PRDM11: variants seen among roughly 807,000 people sequenced by gnomAD.
The protein encoded by PRDM11 is PR/SET domain 11, also known as PR domain-containing protein 11.
PRDM11 carries 20 observed loss-of-function variants against 97.8 expected under a neutral mutation model. That is an observed-to-expected ratio of 0.20 (90% CI 0.14 to 0.30). PRDM11 has a LOEUF of 0.30. Ranked by LOEUF, PRDM11 falls within the 10% of genes least tolerant of loss-of-function variation. The probability of loss-of-function intolerance (pLI) is 1.00; values close to 1 mark genes in which losing one functional copy is unlikely to be tolerated. For missense variants in PRDM11, 1,139 were observed against 1,555.2 expected, an observed-to-expected ratio of 0.73 and a Z score of 4.50; for synonymous variants, 599 against 637.7, an observed-to-expected ratio of 0.94 and a Z score of 0.91.
intron 4 of PRDM11, among the ~76,000 whole-genome samples, chr11:45,183,756 A>C (rs1178771359): frequency 1.3e-5 from 2 of 152,228 alleles, no homozygotes; most frequent in African/African-American, 4.8e-5. Context: ...GCTACTAGAC[A>C]GAGATAGGGG....
At chr11:45,209,986 C>G (rs765689480) in intron 5 of PRDM11, among the ~76,000 whole-genome samples, 1 of 152,034 alleles carries the variant, frequency 6.6e-6, no homozygotes, top group Non-Finnish European at 1.5e-5. Flanking sequence ...ACAGCATGTA[C>G]GAGGCCCCGC....
intron 1 of PRDM11, among the ~76,000 whole-genome samples, chr11:45,097,728 G>C (rs779725849): frequency 6.6e-6 from 1 of 152,244 alleles, no homozygotes; most frequent in African/African-American, 2.4e-5. Flanking sequence ...GGTGAGACAA[G>C]CAGGCTACGG....
chr11:45,211,695 A>C (rs1273779806), intron 5 of PRDM11, among the ~76,000 whole-genome samples: 1 of 152,138 alleles, frequency 6.6e-6, no homozygotes, highest in East Asian at 1.9e-4. Context: ...ATTCCATATT[A>C]GTAGTCTTTT....
chr11:45,220,895 G>C (rs1007104954), intron 6 of PRDM11, among the ~76,000 whole-genome samples: 1 of 151,746 alleles, frequency 6.6e-6, no homozygotes, highest in African/African-American at 2.4e-5. Context: ...TTCTTTCAAG[G>C]GTGTTTTTTT....
At chr11:45,212,353 G>A (rs558494225) in intron 5 of PRDM11, 9 of 338,186 alleles carry the variant, frequency 2.7e-5, no homozygotes, top group East Asian at 8.1e-5. Context: ...AAACTAGACC[G>A]CAGGGTGGCA....
chr11:45,185,777 C>G (rs945794838), intron 4 of PRDM11, among the ~76,000 whole-genome samples: 12 of 152,264 alleles, frequency 7.9e-5, no homozygotes, highest in African/African-American at 2.2e-4. Flanking sequence ...CTGTCCTAAT[C>G]CCTAGAACTT....
At chr11:45,116,786 A>C (rs934179525) in intron 1 of PRDM11, among the ~76,000 whole-genome samples, 1 of 152,228 alleles carries the variant, frequency 6.6e-6, no homozygotes, top group African/African-American at 2.4e-5. Flanking sequence ...CAAATGGCTG[A>C]TTCTAGAACT....
intron 4 of PRDM11, among the ~76,000 whole-genome samples, chr11:45,184,486 G>C (rs1171869790): frequency 6.6e-6 from 1 of 152,194 alleles, no homozygotes; most frequent in Admixed American, 6.5e-5. Context: ...ACTGGGCTAG[G>C]GTTGGGGCAA....
At chr11:45,178,570 C>T (rs923068310) in intron 1 of PRDM11, among the ~76,000 whole-genome samples, 1 of 152,202 alleles carries the variant, frequency 6.6e-6, no homozygotes, top group African/African-American at 2.4e-5. Flanking sequence ...TTCCTGCTGA[C>T]GTCTCTTTCA....
intron 1 of PRDM11, among the ~76,000 whole-genome samples, chr11:45,158,303 C>T (rs892206456): frequency 5.9e-5 from 9 of 152,182 alleles, no homozygotes; most frequent in Admixed American, 2.6e-4. Context: ...CTGTTGGAAG[C>T]GCCTCTCCTG....
At position 45,130,270 on chromosome 11, in the gene PRDM11, A is replaced by G. The variant is rs368564019; in HGVS notation, c.96+34369A>G. Reference sequence around the variant, plus strand: ...ATTACCCATAAAATAGGCCTCATTAAAATTAAGAACTTCTGTTCATTAAAA... The same window carrying G: ...ATTACCCATAAAATAGGCCTCATTAGAATTAAGAACTTCTGTTCATTAAAA... On this transcript the variant is annotated intron_variant, in intron 1 of 6. Coordinates refer to the PRDM11 transcript ENST00000530656. Among the ~76,000 whole-genome samples, 7 of 152,334 alleles carry G rather than the reference A, an allele frequency of 4.6e-5. No homozygotes were observed. The South Asian group carries it at 8.3e-4, about 18-fold the overall frequency.
At chr11:45,128,797 C>A (rs1363518869) in intron 1 of PRDM11, among the ~76,000 whole-genome samples, 1 of 152,102 alleles carries the variant, frequency 6.6e-6, no homozygotes, top group Non-Finnish European at 1.5e-5. Context: ...CACCTCCAAA[C>A]TTGCTTTACA....
chr11:45,116,189 A>C (rs533500374), intron 1 of PRDM11, among the ~76,000 whole-genome samples: 3 of 152,220 alleles, frequency 2.0e-5, no homozygotes, highest in Non-Finnish European at 4.4e-5. Context: ...ATGTACAGTC[A>C]TGTTTGGAGA....
At chr11:45,224,061 G>A (rs1247656298) in intron 6 of PRDM11, among the ~76,000 whole-genome samples, 156 bp from the exon 7 acceptor site, 1 of 152,198 alleles carries the variant, frequency 6.6e-6, no homozygotes, top group African/African-American at 2.4e-5. Flanking sequence ...ATGGACCACT[G>A]AGTGATTCGT....
intron 4 of PRDM11, among the ~76,000 whole-genome samples, chr11:45,195,431 T>A (rs983997484): frequency 6.6e-6 from 1 of 151,992 alleles, no homozygotes; most frequent in African/African-American, 2.4e-5. Context: ...TCTGACCCTA[T>A]GGATTTTTCT....
At chr11:45,100,310 G>C (rs1014003068) in intron 1 of PRDM11, among the ~76,000 whole-genome samples, 4 of 152,086 alleles carry the variant, frequency 2.6e-5, no homozygotes, top group Non-Finnish European at 4.4e-5. Context: ...CTATCCATCA[G>C]AGTGATGGGG....
At chr11:45,170,942 A>G (rs1206432943) in intron 1 of PRDM11, among the ~76,000 whole-genome samples, 1 of 152,088 alleles carries the variant, frequency 6.6e-6, no homozygotes, top group African/African-American at 2.4e-5. Flanking sequence ...TATTTAACCA[A>G]CCACCCCATC....
intron 4 of PRDM11, among the ~76,000 whole-genome samples, chr11:45,199,060 T>C (rs189368702): frequency 4.6e-5 from 7 of 152,352 alleles, no homozygotes; most frequent in African/African-American, 1.4e-4. Flanking sequence ...AATGAGGCTT[T>C]ATTTTTATTG....
rs912813554 is a variant in PRDM11 at position 45,125,176 on chromosome 11, G to A, written c.96+29275G>A. 2.0e-5 allele frequency among the ~76,000 whole-genome samples: 3 copies of A among 151,800 alleles called. No homozygotes were observed. In the East Asian group the frequency reaches 5.8e-4, roughly 29 times the overall value. ...TGGTAGTTTGTATTTCTGTGGGATCGGTGGTGATATCCCCTTTATCATTTT... is the reference window on the plus strand; with the variant it reads ...TGGTAGTTTGTATTTCTGTGGGATCAGTGGTGATATCCCCTTTATCATTTT... On this transcript the variant is annotated intron_variant, in intron 1 of 6. Coordinates refer to the PRDM11 transcript ENST00000530656.
Sources: allele counts gnomAD v4.1 joint callset (sites outside exome capture counted in the v4.1 genomes callset), GRCh38; gene constraint gnomAD v4.1.1; transcripts MANE v1.5; gene names NCBI Gene and HGNC (gene_info 2026-07-23, HGNC 2026-07-21).